The following KCNJ4 variants were observed in gnomAD, a reference collection of about 807,000 sequenced individuals.
KCNJ4 encodes inward rectifier potassium channel 4.
Under a neutral mutation model 25.6 loss-of-function variants are expected in KCNJ4, and 3 were observed. The observed-to-expected ratio is 0.12, with a 90% confidence interval of 0.05 to 0.30. The LOEUF is 0.30. Among genes scored for constraint, KCNJ4 ranks in the 10% least tolerant of loss-of-function variants. The pLI, the probability that KCNJ4 is intolerant of heterozygous loss-of-function variation, is 1.00. For missense variants in KCNJ4, 286 were observed against 666.8 expected (o/e 0.43, Z 6.29); for synonymous variants, 257 against 283.9 (o/e 0.91, Z 0.95).
At position 38,443,432 on chromosome 22, in the gene KCNJ4, C is replaced by T. The variant is rs537445551; in HGVS notation, c.-40+11548G>A. ...CAGTGAAGAGGCATCGCGAACCCGG[C>T]ACTGCCAAGCCCAAGCCATGCCCCC... On this transcript the variant is annotated intron_variant, in intron 1 of 1. Coordinates refer to ENST00000303592, the MANE Select transcript of KCNJ4 (RefSeq NM_152868.3). The surrounding 1 kb of genome is among the most constrained non-coding windows in gnomAD (Gnocchi z 4.1). 1.3e-5 allele frequency among the ~76,000 whole-genome samples: 2 copies of T among 152,286 alleles called. No homozygotes were observed. Among genetic ancestry groups the T allele is most frequent in the Admixed American group, 1.3e-4 (2 of 15,302 alleles).
In KCNJ4 at chr22:38,450,636, A is replaced by G. The variant is rs111746761; in HGVS notation, c.-40+4344T>C. On this transcript the variant is annotated intron_variant, in intron 1 of 1. Coordinates refer to ENST00000303592, the MANE Select transcript of KCNJ4 (RefSeq NM_152868.3). ...TCAGCCCAAAGGCCCCTCCTCACTCACTGGCACAGGGGACAGAGCCCTGGG... is the reference window on the plus strand; with the variant it reads ...TCAGCCCAAAGGCCCCTCCTCACTCGCTGGCACAGGGGACAGAGCCCTGGG... Among the ~76,000 whole-genome samples the G allele has an allele frequency of 1.9e-3, 288 of 151,888 alleles. 3 individuals are homozygous for G. The highest frequency in any genetic ancestry group is 6.4e-3 in the African/African-American group (264 of 41,416).
Position 38,445,056 on chromosome 22 carries a change from C to T in KCNJ4, c.-40+9924G>A, listed in dbSNP as rs140065602. Reference sequence around the variant, plus strand: ...GCTGAGCTCCGTGCACGCATGTGTGCGTGCATGCGTGTGTGTGCGTGTGTG... The same window carrying T: ...GCTGAGCTCCGTGCACGCATGTGTGTGTGCATGCGTGTGTGTGCGTGTGTG... On this transcript the variant is annotated intron_variant, in intron 1 of 1. Coordinates refer to ENST00000303592, the MANE Select transcript of KCNJ4 (RefSeq NM_152868.3). Among the ~76,000 whole-genome samples the T allele has an allele frequency of 2.8e-3, 432 of 152,062 alleles. 5 individuals are homozygous for T. Among genetic ancestry groups the T allele is most frequent in the African/African-American group, 0.01 (421 of 41,428 alleles).
At chr22:38,454,070 G>A (rs964438934) in intron 1 of KCNJ4, among the ~76,000 whole-genome samples, 2 of 152,156 alleles carry the variant, frequency 1.3e-5, no homozygotes, top group South Asian at 4.1e-4. Flanking sequence ...ATGTGGGGGA[G>A]AACACACACA....
At chr22:38,448,423 C>T (rs1180989276) in intron 1 of KCNJ4, among the ~76,000 whole-genome samples, 2 of 152,144 alleles carry the variant, frequency 1.3e-5, no homozygotes, top group African/African-American at 4.8e-5. Context: ...GTGGCCTAGT[C>T]AAGGTCATGC....
chr22:38,441,950 G>A (rs1438832665), intron 1 of KCNJ4, among the ~76,000 whole-genome samples: 1 of 152,234 alleles, frequency 6.6e-6, no homozygotes, highest in Non-Finnish European at 1.5e-5. Flanking sequence ...GAAGGCAACA[G>A]TGATGAGCGG....
At position 38,427,388 on chromosome 22, in the gene KCNJ4, C is replaced by T. The variant is rs2093036046; in HGVS notation, c.745G>A (p.Gly249Ser). ...GACACCAGGAAGATGCGGTCCAGGC[C>T]GATGTCATAGCCCACGTTGAGGTCC... ...QRDLNVGYDI[G>S]LDRIFLVSPI... Residue 249 changes from glycine to serine, a missense_variant, in exon 2 of 2, where the codon GGC becomes AGC. Physicochemically the swap from Gly to Ser is moderately conservative, Grantham distance 56. Transcript: ENST00000303592. The T allele has an allele frequency of 1.2e-6, 2 of 1,614,080 alleles. No homozygotes were observed. Among genetic ancestry groups the T allele is most frequent in the Non-Finnish European group, 1.7e-6 (2 of 1,180,036 alleles).
At chr22:38,436,234 T>C (rs1486902950) in intron 1 of KCNJ4, among the ~76,000 whole-genome samples, 1 of 152,136 alleles carries the variant, frequency 6.6e-6, no homozygotes, top group Non-Finnish European at 1.5e-5. Flanking sequence ...CCAGAGTAAG[T>C]GATCGATAAG....
chr22:38,433,234 G>A (rs1347162671), intron 1 of KCNJ4, among the ~76,000 whole-genome samples: 1 of 152,278 alleles, frequency 6.6e-6, no homozygotes, highest in Non-Finnish European at 1.5e-5. Flanking sequence ...GATGACCTGA[G>A]GTCAGGAGTT....
chr22:38,440,729 A>G (rs1399903798), intron 1 of KCNJ4, among the ~76,000 whole-genome samples: 1 of 152,092 alleles, frequency 6.6e-6, no homozygotes, highest in African/African-American at 2.4e-5. Context: ...GATGGTGGCC[A>G]TGGAGCTCAA....
intron 1 of KCNJ4, among the ~76,000 whole-genome samples, chr22:38,432,844 G>A (rs1283898869): frequency 2.0e-5 from 3 of 152,148 alleles, no homozygotes; most frequent in East Asian, 1.9e-4. Flanking sequence ...GATGGTGCAC[G>A]CCTGTAATCC....
rs1160398087 is a variant in KCNJ4 at position 38,428,088 on chromosome 22, C to T, written c.45G>A (p.Arg15=). 3 of 1,613,628 alleles carry T rather than the reference C, an allele frequency of 1.9e-6. No homozygotes were observed. The highest frequency in any genetic ancestry group is 8.5e-7 in the Non-Finnish European group (1 of 1,179,858). ...SRNGQAHVPR[R]KRRNRFVKKN... ...TCTTGACGAAGCGGTTGCGGCGCTT[C>T]CGCCGGGGCACGTGGGCCTGGCCGT... The change falls in exon 2 of 2, where the codon CGG becomes CGA. Residue 15 remains arginine (R), a synonymous_variant. Transcript: ENST00000303592.
intron 1 of KCNJ4, among the ~76,000 whole-genome samples, chr22:38,444,001 C>T (rs1339663338): frequency 6.6e-6 from 1 of 152,168 alleles, no homozygotes; most frequent in Admixed American, 6.5e-5. Flanking sequence ...GGCCTTTGCA[C>T]TGGCTGTTCT....
At chr22:38,434,063 G>A (rs1157678810) in intron 1 of KCNJ4, among the ~76,000 whole-genome samples, 1 of 152,126 alleles carries the variant, frequency 6.6e-6, no homozygotes, top group Non-Finnish European at 1.5e-5. Flanking sequence ...CATGGCCACT[G>A]CAGGGGCACC....
At chr22:38,437,719 G>C (rs555820440) in intron 1 of KCNJ4, among the ~76,000 whole-genome samples, 45 of 152,328 alleles carry the variant, frequency 3.0e-4, no homozygotes, top group African/African-American at 1.0e-3. Flanking sequence ...ATCTCCAAAG[G>C]CCTCTGTGAG....
At chr22:38,432,549 C>T (rs936729404) in intron 1 of KCNJ4, among the ~76,000 whole-genome samples, 2 of 152,168 alleles carry the variant, frequency 1.3e-5, no homozygotes, top group East Asian at 1.9e-4. Flanking sequence ...TAAGGGACTA[C>T]TCATCCTCCC....
At chr22:38,430,361 G>A (rs1225976015) in intron 1 of KCNJ4, among the ~76,000 whole-genome samples, 1 of 152,180 alleles carries the variant, frequency 6.6e-6, no homozygotes, top group African/African-American at 2.4e-5. Flanking sequence ...AAATTAGGCC[G>A]GGCATGGTGG....
rs891214878 is a variant in KCNJ4 at position 38,426,738 on chromosome 22, G to T, written c.*57C>A. The T allele has an allele frequency of 1.9e-6, 3 of 1,546,396 alleles. No homozygotes were observed. The African/African-American group carries it at 4.1e-5, about 21-fold the overall frequency. Reference sequence around the variant, plus strand: ...TCCTGAGTGTGGGAGGGGGTGTCCTGGCATCCCACCCCCGGCAGAGGCTCT... The same window carrying T: ...TCCTGAGTGTGGGAGGGGGTGTCCTTGCATCCCACCCCCGGCAGAGGCTCT... On this transcript the variant is annotated 3_prime_UTR_variant, in exon 2 of 2. Transcript: ENST00000303592.
At chr22:38,439,932 G>C (rs1454965692) in intron 1 of KCNJ4, among the ~76,000 whole-genome samples, 1 of 141,588 alleles carries the variant, frequency 7.1e-6, no homozygotes, top group African/African-American at 2.6e-5. Context: ...CTACTAAAAA[G>C]TACAAAAAAT....
chr22:38,441,269 A>G (rs1267226669), intron 1 of KCNJ4, among the ~76,000 whole-genome samples: 1 of 152,132 alleles, frequency 6.6e-6, no homozygotes, highest in East Asian at 1.9e-4. Flanking sequence ...CTCCCTCCCC[A>G]GCCAGAAAGG....
Sources: gnomAD v4.1 joint callset for allele counts (sites outside exome capture counted in the v4.1 genomes callset) on GRCh38, gnomAD v4.1.1 for gene constraint, Gnocchi (gnomAD v3.1) non-coding constraint, MANE v1.5 for transcripts, NCBI Gene and HGNC (gene_info 2026-07-23, HGNC 2026-07-21) for gene names.